LYRM4: variants seen among roughly 807,000 people sequenced by gnomAD.
LYRM4 encodes the protein LYR motif containing 4.
Under a neutral mutation model 11.7 loss-of-function variants are expected in LYRM4, and 9 were observed. The observed-to-expected ratio is 0.77, with a 90% CI of 0.46 to 1.34. The LOEUF is 1.34. Ranked by LOEUF, LYRM4 falls within the 40% of genes most tolerant of loss-of-function variation. The pLI is 0.00. For synonymous variants in LYRM4, 42 were observed against 40.4 expected, an observed-to-expected ratio of 1.04 and a Z score of -0.15; for missense variants, 133 against 112.5, an observed-to-expected ratio of 1.18 and a Z score of -0.82.
intron 2 of LYRM4, among the ~76,000 whole-genome samples, chr6:5,121,025 G>A (rs562727341): frequency 2.6e-5 from 4 of 152,282 alleles, no homozygotes; most frequent in South Asian, 2.1e-4. Flanking sequence ...TCTGACTAGC[G>A]TCCCTGAATG....
chr6:5,156,798 A>G (rs1289368546), intron 2 of LYRM4, among the ~76,000 whole-genome samples: 1 of 152,192 alleles, frequency 6.6e-6, no homozygotes, highest in African/African-American at 2.4e-5. Flanking sequence ...ATAGGAGAGT[A>G]CGGGTGAGAA....
At chr6:5,073,579 T>C in the LYRM4 span, among the ~76,000 whole-genome samples, 1 of 148,210 alleles carries the variant, frequency 6.7e-6, no homozygotes, top group African/African-American at 2.5e-5. Flanking sequence ...TAGTACATAG[T>C]ATATATATTT....
chr6:5,178,096 T>A (rs1233664878), intron 2 of LYRM4, among the ~76,000 whole-genome samples: 1 of 152,178 alleles, frequency 6.6e-6, no homozygotes, highest in African/African-American at 2.4e-5. Flanking sequence ...TGTCTTTTCA[T>A]CTTATATCCC....
At chr6:5,140,901 C>T (rs1053550013) in intron 2 of LYRM4, among the ~76,000 whole-genome samples, 2 of 152,334 alleles carry the variant, frequency 1.3e-5, no homozygotes, top group Non-Finnish European at 2.9e-5. Flanking sequence ...AAATAACCAA[C>T]CAAATGGATT....
chr6:5,130,699 C>A (rs910256298), intron 2 of LYRM4, among the ~76,000 whole-genome samples: 1 of 152,108 alleles, frequency 6.6e-6, no homozygotes, highest in African/African-American at 2.4e-5. Context: ...CAGCAATAAA[C>A]TTCTTTATGA....
the LYRM4 span, among the ~76,000 whole-genome samples, chr6:5,082,554 G>A: frequency 1.3e-5 from 2 of 152,008 alleles, no homozygotes; most frequent in Non-Finnish European, 2.9e-5. Flanking sequence ...CCTAAATAGC[G>A]CTCAGATTTG....
chr6:5,205,700 A>G (rs1761658179), intron 2 of LYRM4, among the ~76,000 whole-genome samples: 1 of 152,234 alleles, frequency 6.6e-6, no homozygotes, highest in South Asian at 2.1e-4. Context: ...CTAAAATAGA[A>G]CCTGGTTCAA....
chr6:5,144,509 C>T (rs1581370497), intron 2 of LYRM4, among the ~76,000 whole-genome samples: 1 of 150,920 alleles, frequency 6.6e-6, no homozygotes, highest in African/African-American at 2.4e-5. Context: ...TGGCGGTGGG[C>T]GCCCGCAGTC....
intron 1 of LYRM4, among the ~76,000 whole-genome samples, chr6:5,232,545 A>T (rs1420627377): frequency 1.3e-5 from 2 of 152,198 alleles, no homozygotes; most frequent in Admixed American, 6.5e-5. Context: ...ATCTCACTGG[A>T]GTCTTTTCCT....
intron 1 of LYRM4, among the ~76,000 whole-genome samples, chr6:5,219,063 T>C (rs1182823624): frequency 6.6e-6 from 1 of 152,248 alleles, no homozygotes; most frequent in African/African-American, 2.4e-5. Context: ...TGTTTAAATT[T>C]TTCATTTCGT....
intron 1 of LYRM4, among the ~76,000 whole-genome samples, chr6:5,231,375 T>G (rs1157892654): frequency 2.6e-5 from 4 of 152,158 alleles, no homozygotes; most frequent in African/African-American, 9.7e-5. Flanking sequence ...GCTTCCCGAG[T>G]GTCCTGGTTT....
At chr6:5,085,431 TAA>T in the LYRM4 span, 1 of 1,330,362 alleles carries the variant, frequency 7.5e-7, no homozygotes, top group East Asian at 2.6e-5. Flanking sequence ...AGGAGTTAGT[TAA>T]GTCTCCAGAG....
the LYRM4 span, among the ~76,000 whole-genome samples, chr6:5,079,934 C>A: frequency 6.6e-6 from 1 of 152,234 alleles, no homozygotes; most frequent in South Asian, 2.1e-4. Flanking sequence ...TGGAGTACAA[C>A]AGTGGCTAAA....
rs1367331259 is a variant in LYRM4 at position 5,108,950 on chromosome 6, C to A, written c.*473G>T. On this transcript the variant is annotated 3_prime_UTR_variant, in exon 3 of 3. Transcript: ENST00000330636. The stretch of plus-strand genomic sequence containing the variant: ...AAGTGGTGCTTGAACTTGCCTTCAC[C>A]AAGGCAGTTCTCGTCTCAGAGTTGA... 8.0e-6 allele frequency: 8 copies of A among 996,516 alleles called. No individual in the cohort carries two copies. Among genetic ancestry groups the A allele is most frequent in the Non-Finnish European group, 9.6e-6 (8 of 835,836 alleles). 61.7% of individuals were successfully genotyped at this position (996,516 alleles called of 1,614,324 possible).
chr6:5,236,674 G>A (rs1008862440), intron 1 of LYRM4, among the ~76,000 whole-genome samples: 5 of 151,654 alleles, frequency 3.3e-5, no homozygotes, highest in African/African-American at 7.3e-5. Context: ...GGGGCCAAGC[G>A]CAGTAGCTCA....
intron 2 of LYRM4, among the ~76,000 whole-genome samples, chr6:5,123,858 AG>A (rs1763579448): frequency 6.6e-6 from 1 of 152,234 alleles, no homozygotes; most frequent in African/African-American, 2.4e-5. Context: ...CTCACAGTGT[AG>A]TTTTTCTCTA....
In LYRM4 at chr6:5,258,906, C is replaced by T. The variant is rs139206359; in HGVS notation, c.86+1742G>A. Among the ~76,000 whole-genome samples, 473 of 152,240 alleles carry T rather than the reference C, an allele frequency of 3.1e-3. 5 individuals carry two copies. The highest frequency in any genetic ancestry group is 1.8e-3 in the Non-Finnish European group (122 of 68,018). ...TTTGAATGATTTTCCTGTTGAGTTT[C>T]GTGAATGATTTTCCTGTTCAGTTGG... On this transcript the variant is annotated intron_variant, in intron 1 of 2. Coordinates refer to ENST00000330636, the MANE Select transcript of LYRM4 (RefSeq NM_020408.6).
chr6:5,080,304 A>G, the LYRM4 span, among the ~76,000 whole-genome samples: 113,423 of 152,180 alleles, frequency 0.75, 42,544 homozygotes, highest in East Asian at 0.9. Context: ...TAAAAAGAGA[A>G]AAAAAGACCA....
At chr6:5,197,452 T>G (rs1280810584) in intron 2 of LYRM4, among the ~76,000 whole-genome samples, 2 of 152,078 alleles carry the variant, frequency 1.3e-5, no homozygotes, top group South Asian at 4.1e-4. Context: ...GGCCTGTGGA[T>G]CACGAGGTCA....
Sources: allele counts gnomAD v4.1 joint callset (sites outside exome capture counted in the v4.1 genomes callset), GRCh38; gene constraint gnomAD v4.1.1; transcripts MANE v1.5; gene names NCBI Gene and HGNC (gene_info 2026-07-23, HGNC 2026-07-21).